Variants in MON2 observed in about 807,000 individuals in gnomAD.
MON2 encodes the protein protein MON2 homolog.
A neutral mutation model predicts 208.6 loss-of-function variants in MON2; 84 were observed. That is an observed-to-expected ratio of 0.40 (90% confidence interval 0.34 to 0.48). The LOEUF (loss-of-function observed/expected upper bound fraction) is 0.48, where lower values mean the gene tolerates loss of function less well. MON2 is among the 20% of genes least tolerant of loss of function. The probability of loss-of-function intolerance (pLI) is 0.59; values close to 1 mark genes in which losing one functional copy is unlikely to be tolerated. For synonymous variants in MON2, 660 were observed against 694.0 expected, an observed-to-expected ratio of 0.95 and a Z score of 0.77; for missense variants, 1,611 against 2,015.4, an observed-to-expected ratio of 0.80 and a Z score of 3.84.
At chr12:62,587,078 G>A (rs2075242192) in intron 33 of MON2, among the ~76,000 whole-genome samples, 1 of 152,130 alleles carries the variant, frequency 6.6e-6, no homozygotes, top group South Asian at 2.1e-4. Context: ...CCAGGAATGG[G>A]GAGGGATGAG....
In MON2 at chr12:62,494,014, G is replaced by A. The variant is rs202179158; in HGVS notation, c.275G>A (p.Arg92Lys). 1.2e-6 allele frequency: 2 copies of A among 1,613,104 alleles called. No homozygotes were observed. The highest frequency in any genetic ancestry group is 1.7e-6 in the Non-Finnish European group (2 of 1,179,374). ...ITQLCLAAIQ[R>K]LMSHEVVSET... ...CAGCTATGTTTGGCTGCTATTCAGA[G>A]ACTCATGTCACATGAAGTCGTGTCT... Residue 92 changes from arginine to lysine, a missense_variant, in exon 3 of 35, where the codon AGA becomes AAA. Arg to Lys is a conservative substitution (Grantham distance 26, BLOSUM62 2). Transcript: ENST00000393630.
chr12:62,508,010 A>T (rs138289353), intron 7 of MON2, among the ~76,000 whole-genome samples: 1 of 152,114 alleles, frequency 6.6e-6, no homozygotes, highest in Admixed American at 6.5e-5. Context: ...GGCTCAAGCT[A>T]TCCTCCCACC....
At chr12:62,477,293 A>G (rs1456313514) in intron 1 of MON2, among the ~76,000 whole-genome samples, 1 of 152,142 alleles carries the variant, frequency 6.6e-6, no homozygotes, top group African/African-American at 2.4e-5. Context: ...TTGAGTGGAC[A>G]TTTGTTAATT....
chr12:62,569,712 C>T (rs1592426025), intron 29 of MON2, among the ~76,000 whole-genome samples: 1 of 152,138 alleles, frequency 6.6e-6, no homozygotes, highest in African/African-American at 2.4e-5. Context: ...GCTTAATCAA[C>T]TCATCATCTC....
At chr12:62,528,432 G>C (rs1279183582) in intron 11 of MON2, among the ~76,000 whole-genome samples, 1 of 152,166 alleles carries the variant, frequency 6.6e-6, no homozygotes, top group African/African-American at 2.4e-5. Context: ...ACTTGTGACA[G>C]TTTTTGCAAT....
chr12:62,566,273 A>C, intron 28 of MON2, 49 bp from the exon 29 acceptor site: 3 of 1,581,038 alleles, frequency 1.9e-6, no homozygotes, highest in Non-Finnish European at 2.6e-6. Flanking sequence ...AATATGATTA[A>C]TTTAATCTCA....
At chr12:62,536,829 C>G (rs898173088) in intron 14 of MON2, among the ~76,000 whole-genome samples, 2 of 151,830 alleles carry the variant, frequency 1.3e-5, no homozygotes, top group Non-Finnish European at 2.9e-5. Context: ...GCTGAGACTA[C>G]AGAAGTGCAT....
intron 26 of MON2, among the ~76,000 whole-genome samples, chr12:62,564,568 T>C (rs2074310014): frequency 6.6e-6 from 1 of 152,084 alleles, no homozygotes; most frequent in African/African-American, 2.4e-5. Context: ...ATGATATGCA[T>C]TTTATTCTTT....
rs918886079 is a variant in MON2, at chr12:62,510,388, A to G, written c.984+1908A>G. Among the ~76,000 whole-genome samples, 8 of 152,320 alleles carry G rather than the reference A, an allele frequency of 5.3e-5. 1 individual carries two copies. The highest frequency in any genetic ancestry group is 1.9e-4 in the African/African-American group (8 of 41,588). ...AATATTGATTAAAAAAATTCTCAAG[A>G]AAGTACAAGGAAACTTAATTCAACA... On this transcript the variant is annotated intron_variant, in intron 8 of 34. Transcript: ENST00000393630.
intron 5 of MON2, among the ~76,000 whole-genome samples, chr12:62,499,525 C>T (rs180979701): frequency 6.6e-6 from 1 of 152,084 alleles, no homozygotes; most frequent in East Asian, 1.9e-4. Context: ...GGGCTTCCCT[C>T]GTAAATTTTT....
chr12:62,535,464 C>T (rs1473528836), intron 13 of MON2, 61 bp from the exon 14 acceptor site: 2 of 1,231,792 alleles, frequency 1.6e-6, no homozygotes, highest in African/African-American at 3.1e-5. Context: ...AATTCCACAT[C>T]ATGCTTTACA....
At chr12:62,574,207 A>G (rs1285416893) in intron 30 of MON2, among the ~76,000 whole-genome samples, 1 of 152,182 alleles carries the variant, frequency 6.6e-6, no homozygotes, top group Non-Finnish European at 1.5e-5. Context: ...GTACTTTAAA[A>G]TGCTTGTTTC....
chr12:62,549,059 T>A (rs1414710159), intron 22 of MON2, among the ~76,000 whole-genome samples: 2 of 152,182 alleles, frequency 1.3e-5, no homozygotes, highest in Non-Finnish European at 2.9e-5. Flanking sequence ...TCATTTATTG[T>A]CTAAGTTTTC....
chr12:62,469,262 C>T (rs527359956), intron 1 of MON2, among the ~76,000 whole-genome samples: 29 of 152,098 alleles, frequency 1.9e-4, no homozygotes, highest in Middle Eastern at 3.4e-3. Flanking sequence ...TGGAGGATCC[C>T]TTGAGCCCAG....
At chr12:62,486,677 G>A (rs922953355) in intron 2 of MON2, among the ~76,000 whole-genome samples, 13 of 151,954 alleles carry the variant, frequency 8.6e-5, no homozygotes, top group Admixed American at 5.9e-4. Context: ...ATAATTAAGA[G>A]TACAGTTAAT....
chr12:62,571,693 C>A, intron 30 of MON2, 111 bp downstream of exon 30: 1 of 903,276 alleles, frequency 1.1e-6, no homozygotes, highest in Non-Finnish European at 1.6e-6. Context: ...ATAAAGGTTG[C>A]TAGATTGTAT....
In MON2 at chr12:62,550,549, G is replaced by A. The variant is rs2073694495; in HGVS notation, c.2916+719G>A. 2.0e-5 allele frequency among the ~76,000 whole-genome samples: 3 copies of A among 152,130 alleles called. No homozygotes were observed. The South Asian group carries it at 6.2e-4, about 32-fold the overall frequency. ...TAAAAAAAAATGATAATAATAAAAA[G>A]GCTGTTTTGTCTACATTGAAAATCT... On this transcript the variant is annotated intron_variant, in intron 23 of 34. Transcript: ENST00000393630.
intron 4 of MON2, among the ~76,000 whole-genome samples, chr12:62,497,941 A>T (rs2136067784): frequency 6.6e-6 from 1 of 152,206 alleles, no homozygotes; most frequent in South Asian, 2.1e-4. Flanking sequence ...AAAAAGTTAA[A>T]CCTATTCTTA....
Position 62,515,551 on chromosome 12 carries a change from C to CA in MON2, c.984+7072dup, listed in dbSNP as rs1471376572. On this transcript the variant is annotated intron_variant, in intron 8 of 34. Transcript: ENST00000393630. ...GTTCTAGAGCCCAGGTGCAGTGGTG[C>CA]ATGCCTGTAATCCCAGCACTTTGTA... Among the ~76,000 whole-genome samples, 8 of 152,150 alleles carry CA rather than the reference C, an allele frequency of 5.3e-5. No individual in the cohort carries two copies. In the South Asian group the frequency reaches 8.3e-4, roughly 16 times the overall value.
Sources: allele counts gnomAD v4.1 joint callset (sites outside exome capture counted in the v4.1 genomes callset), GRCh38; gene constraint gnomAD v4.1.1; transcripts MANE v1.5; gene names NCBI Gene and HGNC (gene_info 2026-07-23, HGNC 2026-07-21).